Variants in SH3YL1 observed in about 807,000 individuals in gnomAD.
SH3YL1 encodes the protein SH3 domain-containing YSC84-like protein 1.
Under a neutral mutation model 45.8 loss-of-function variants are expected in SH3YL1, and 41 were observed. That is an observed-to-expected ratio of 0.89 (90% CI 0.70 to 1.16). SH3YL1 has a LOEUF of 1.16. SH3YL1 is among the 50% of genes most tolerant of loss of function. The probability of loss-of-function intolerance (pLI) is 0.00; values close to 1 mark genes in which losing one functional copy is unlikely to be tolerated. For synonymous variants in SH3YL1, 152 were observed against 151.4 expected, an observed-to-expected ratio of 1.00 and a Z score of -0.03; for missense variants, 389 against 409.6, an observed-to-expected ratio of 0.95 and a Z score of 0.43.
chr2:251,813 TGATTAA>T (rs1422483892), intron 2 of SH3YL1, among the ~76,000 whole-genome samples: 1 of 152,216 alleles, frequency 6.6e-6, no homozygotes, highest in East Asian at 1.9e-4. Flanking sequence ...ATTAATATCA[TGATTAA>T]GATTATTAAA....
chr2:231,341 A>G, intron 6 of SH3YL1, 150 bp from the exon 7 acceptor site: 1 of 649,386 alleles, frequency 1.5e-6, no homozygotes, highest in Non-Finnish European at 2.6e-6. Context: ...ACTTTAAGCA[A>G]TATCCCATGT....
At chr2:254,517 G>C (rs977004533) in intron 1 of SH3YL1, among the ~76,000 whole-genome samples, 1 of 152,186 alleles carries the variant, frequency 6.6e-6, no homozygotes, top group Non-Finnish European at 1.5e-5. Flanking sequence ...CTGGAAGGTT[G>C]AAGGCATTCA....
At position 218,486 on chromosome 2, in the gene SH3YL1, A is replaced by G. The variant is rs1021247351; in HGVS notation, c.*325T>C. The G allele has an allele frequency of 5.0e-6, 1 of 200,766 alleles. No homozygotes were observed. Among genetic ancestry groups the G allele is most frequent in the African/African-American group, 2.3e-5 (1 of 43,422 alleles). 12.4% of individuals were successfully genotyped at this position (200,766 alleles called of 1,614,324 possible). A position where few individuals can be genotyped will look rare whatever the true frequency, so the allele number is the denominator to read the frequency against. The stretch of plus-strand genomic sequence containing the variant: ...AATTGAAATTTGTGGCTCTACCCTC[A>G]AGATTCTCAAATTAAAACACAGCTA... On this transcript the variant is annotated 3_prime_UTR_variant, in exon 10 of 10. Coordinates refer to ENST00000356150, the MANE Select transcript of SH3YL1 (RefSeq NM_015677.4).
At chr2:252,433 C>T (rs1572175789) in intron 2 of SH3YL1, among the ~76,000 whole-genome samples, 3 of 151,996 alleles carry the variant, frequency 2.0e-5, no homozygotes, top group South Asian at 2.1e-4. Context: ...GTGTTTAGGG[C>T]GCTGGCACCC....
At chr2:259,341 TTCTC>T (rs1165676676) in intron 1 of SH3YL1, 18 of 151,778 alleles carry the variant, frequency 1.2e-4, no homozygotes, top group South Asian at 4.1e-4. Context: ...TACAGGGGGT[TTCTC>T]TCTGTTTCTT....
intron 4 of SH3YL1, 25 bp downstream of exon 4, chr2:247,513 G>A: frequency 1.3e-6 from 2 of 1,541,208 alleles, no homozygotes; most frequent in Non-Finnish European, 1.8e-6. Flanking sequence ...TATGGCAGTT[G>A]TATGGACGTG....
intron 9 of SH3YL1, among the ~76,000 whole-genome samples, chr2:221,202 T>G (rs1667557585): frequency 6.6e-6 from 1 of 152,182 alleles, no homozygotes; most frequent in African/African-American, 2.4e-5. Context: ...CTCATAAATA[T>G]GAAATTGTGC....
chr2:263,900 GT>G, intron 1 of SH3YL1, 83 bp downstream of exon 1: 1 of 1,238,814 alleles, frequency 8.1e-7, no homozygotes. Flanking sequence ...GGCATCGCCG[GT>G]TTTCCCGTCC....
In SH3YL1 at chr2:249,107, C is replaced by T. The variant is rs534993001; in HGVS notation, c.226+624G>A. Reference sequence around the variant, plus strand: ...GCAAATGTTAAATTGGTATAAAAAACATTTTAGTTAGTTTTGACACACCTG... The same window carrying T: ...GCAAATGTTAAATTGGTATAAAAAATATTTTAGTTAGTTTTGACACACCTG... On this transcript the variant is annotated intron_variant, in intron 3 of 9. Coordinates refer to ENST00000356150, the MANE Select transcript of SH3YL1 (RefSeq NM_015677.4). Among the ~76,000 whole-genome samples, 12 of 152,274 alleles carry T rather than the reference C, an allele frequency of 7.9e-5. 1 individual carries two copies. Among genetic ancestry groups the T allele is most frequent in the Admixed American group, 7.2e-4 (11 of 15,294 alleles).
chr2:250,705 T>G (rs1379784512), intron 2 of SH3YL1, among the ~76,000 whole-genome samples: 1 of 152,192 alleles, frequency 6.6e-6, no homozygotes, highest in Non-Finnish European at 1.5e-5. Context: ...GCAAAAGCTT[T>G]GCAGATGACC....
upstream of SH3YL1, chr2:264,816 C>T (rs1669788804): frequency 1.1e-6 from 1 of 896,138 alleles, no homozygotes; most frequent in African/African-American, 1.8e-5. Context: ...GCACTGGAGC[C>T]GATTGCGCAG....
At chr2:249,544 C>T (rs185198469) in intron 3 of SH3YL1, among the ~76,000 whole-genome samples, 187 bp downstream of exon 3, 115 of 152,286 alleles carry the variant, frequency 7.6e-4, no homozygotes, top group Non-Finnish European at 1.1e-3. Flanking sequence ...CAGAGAGAGA[C>T]GGAAAGGCTG....
At chr2:221,463 C>A (rs891126862) in intron 9 of SH3YL1, among the ~76,000 whole-genome samples, 2 of 152,188 alleles carry the variant, frequency 1.3e-5, no homozygotes, top group Non-Finnish European at 2.9e-5. Flanking sequence ...AGATCACACA[C>A]CTGGTTTGGT....
Position 230,957 on chromosome 2 carries a change from G to A in SH3YL1, c.702+66C>T, listed in dbSNP as rs1279039293. On this transcript the variant is annotated intron_variant, in intron 7 of 9. Transcript: ENST00000356150. ...TAGGTTCTTAGGAACCTGATATCAG[G>A]GACAGAATGTTCTACAGAAAGAGAT... 9.3e-6 allele frequency: 14 copies of A among 1,509,220 alleles called. No individual in the cohort carries two copies. The Admixed American group carries it at 2.2e-4, about 23-fold the overall frequency. 93.5% of individuals were successfully genotyped at this position (1,509,220 alleles called of 1,614,324 possible). A position where few individuals can be genotyped will look rare whatever the true frequency, so the allele number is the denominator to read the frequency against.
intron 2 of SH3YL1, among the ~76,000 whole-genome samples, chr2:251,945 T>C (rs1669089039): frequency 6.6e-6 from 1 of 152,216 alleles, no homozygotes; most frequent in Non-Finnish European, 1.5e-5. Context: ...TCTGATTAAC[T>C]AAGAGGGAGG....
At chr2:229,065 A>C (rs1043388475) in intron 8 of SH3YL1, among the ~76,000 whole-genome samples, 1 of 152,210 alleles carries the variant, frequency 6.6e-6, no homozygotes, top group African/African-American at 2.4e-5. Context: ...CCACAGCACA[A>C]TGACTCTTGT....
intron 1 of SH3YL1, chr2:259,685 G>A (rs1669505493): frequency 6.6e-6 from 1 of 151,320 alleles, no homozygotes. Flanking sequence ...TCACAAAGAA[G>A]AAAATTCAGA....
Position 228,931 on chromosome 2 carries a change from C to T in SH3YL1, c.781+1035G>A, listed in dbSNP as rs1040215649. Among the ~76,000 whole-genome samples the T allele has an allele frequency of 3.9e-5, 6 of 152,282 alleles. No homozygotes were observed. The South Asian group carries it at 8.3e-4, about 21-fold the overall frequency. On this transcript the variant is annotated intron_variant, in intron 8 of 9. Transcript: ENST00000356150. The stretch of plus-strand genomic sequence containing the variant: ...CTGCAGAGCTTTACTATTTACTCCC[C>T]GCAAAACTTATATGCCTTCTCCCAC...
At chr2:253,161 G>T in intron 1 of SH3YL1, 46 bp from the exon 2 acceptor site, 1 of 1,069,294 alleles carries the variant, frequency 9.4e-7, no homozygotes, top group Non-Finnish European at 1.4e-6. Flanking sequence ...CTGCTAAATA[G>T]AAGTGAGAAA....
Sources: allele counts gnomAD v4.1 joint callset (sites outside exome capture counted in the v4.1 genomes callset), GRCh38; gene constraint gnomAD v4.1.1; transcripts MANE v1.5; gene names NCBI Gene and HGNC (gene_info 2026-07-23, HGNC 2026-07-21).